Variants in APOO observed in about 807,000 individuals in gnomAD.
The protein encoded by APOO is MICOS complex subunit MIC26.
APOO carries 11 observed loss-of-function variants against 23.1 expected under a neutral mutation model. That is an observed-to-expected ratio of 0.48 (90% CI 0.30 to 0.79). The LOEUF (loss-of-function observed/expected upper bound fraction) is 0.79. Ranked by LOEUF, APOO falls within the 30% of genes least tolerant of loss-of-function variation. The pLI is 0.07. For synonymous variants in APOO, 59 were observed against 54.8 expected, an observed-to-expected ratio of 1.08 and a Z score of -0.34; for missense variants, 160 against 142.7, an observed-to-expected ratio of 1.12 and a Z score of -0.62.
chrX:23,884,662 T>C (rs1455264119), intron 1 of APOO, among the ~76,000 whole-genome samples: 2 of 111,392 alleles, frequency 1.8e-5, no homozygotes, highest in East Asian at 5.6e-4. Context: ...TGGGGAGATA[T>C]TGGTCAAAAG....
intron 1 of APOO, among the ~76,000 whole-genome samples, chrX:23,891,724 T>C (rs1470735995): frequency 9.0e-6 from 1 of 110,794 alleles, no homozygotes; most frequent in Admixed American, 9.7e-5. Flanking sequence ...TGATGGAATA[T>C]ATTATTTCTA....
intron 7 of APOO, among the ~76,000 whole-genome samples, chrX:23,846,194 C>T (rs1924223306): frequency 9.2e-6 from 1 of 108,542 alleles, no homozygotes; most frequent in South Asian, 4.0e-4. Context: ...GACTGTAATC[C>T]CAGCTACTTG....
chrX:23,887,255 G>A (rs1396581502), intron 1 of APOO, among the ~76,000 whole-genome samples: 31 of 24,427 alleles, frequency 1.3e-3, no homozygotes, highest in African/African-American at 4.0e-3. Flanking sequence ...TTTTTTTTGC[G>A]ACAGAGTCTC....
At chrX:23,881,566 A>G (rs1926132724) in intron 1 of APOO, among the ~76,000 whole-genome samples, 1 of 88,855 alleles carries the variant, frequency 1.1e-5, no homozygotes, top group African/African-American at 4.1e-5. Flanking sequence ...GCTCCACTAA[A>G]AAAAAAAAAA....
chrX:23,884,472 C>T (rs1012088308), intron 1 of APOO, among the ~76,000 whole-genome samples: 4 of 111,786 alleles, frequency 3.6e-5, no homozygotes, highest in Middle Eastern at 4.6e-3. Context: ...TGACAAGAAT[C>T]GTGTATATTT....
chrX:23,898,079 A>T (rs1334970903), intron 1 of APOO, among the ~76,000 whole-genome samples: 1 of 107,368 alleles, frequency 9.3e-6, no homozygotes, highest in African/African-American at 3.4e-5. Flanking sequence ...CTACCTAGAC[A>T]TGGGTTTCAT....
rs188656690 is a variant in APOO at position 23,901,711 on chromosome X, C to T, written c.9+5983G>A. ...AAGATGCCAACTAAAAGTAACAGCT[C>T]ACATTTCTTCAGCCCTTACTTTGGG... On this transcript the variant is annotated intron_variant, in intron 1 of 8. Transcript: ENST00000379226. Among the ~76,000 whole-genome samples, 367 of 112,376 alleles carry T rather than the reference C, an allele frequency of 3.3e-3. 3 individuals carry two copies. Among genetic ancestry groups the T allele is most frequent in the Non-Finnish European group, 4.8e-3 (254 of 53,288 alleles).
intron 5 of APOO, among the ~76,000 whole-genome samples, chrX:23,864,586 G>A (rs1925254151): frequency 1.8e-5 from 2 of 112,009 alleles, no homozygotes; most frequent in African/African-American, 6.5e-5. Context: ...ACAGGTGTGA[G>A]CCACTGTACC....
intron 7 of APOO, among the ~76,000 whole-genome samples, chrX:23,844,817 G>C (rs1045528442): frequency 2.9e-4 from 33 of 112,155 alleles, no homozygotes; most frequent in African/African-American, 1.0e-3. Flanking sequence ...ATGACATAAG[G>C]ATTCCTGACT....
intron 7 of APOO, among the ~76,000 whole-genome samples, chrX:23,849,875 G>A (rs1459145216): frequency 2.9e-5 from 3 of 104,690 alleles, no homozygotes; most frequent in Non-Finnish European, 5.8e-5. Context: ...CTGGGCGACA[G>A]AGTAACACTC....
At chrX:23,895,866 C>T (rs1301875817) in intron 1 of APOO, among the ~76,000 whole-genome samples, 1 of 105,515 alleles carries the variant, frequency 9.5e-6, no homozygotes, top group Non-Finnish European at 1.9e-5. Flanking sequence ...AAGAAAATGG[C>T]ATTTTTTTTA....
intron 1 of APOO, among the ~76,000 whole-genome samples, chrX:23,906,677 G>C (rs758489634): frequency 1.8e-5 from 2 of 112,410 alleles, no homozygotes; most frequent in Non-Finnish European, 3.8e-5. Context: ...AACAGAGTAA[G>C]AGCAAATACT....
chrX:23,898,813 C>T (rs931468590), intron 1 of APOO, among the ~76,000 whole-genome samples: 3 of 111,867 alleles, frequency 2.7e-5, no homozygotes, highest in African/African-American at 9.7e-5. Context: ...TAACCCATGT[C>T]ACATGAATCA....
chrX:23,849,267 C>T (rs964743520), intron 7 of APOO, among the ~76,000 whole-genome samples: 2 of 108,393 alleles, frequency 1.8e-5, no homozygotes, highest in Non-Finnish European at 3.8e-5. Context: ...CCCAAAGATT[C>T]AATGGGTCTA....
intron 7 of APOO, among the ~76,000 whole-genome samples, chrX:23,841,096 G>A (rs1248993865): frequency 8.9e-6 from 1 of 111,952 alleles, no homozygotes; most frequent in Non-Finnish European, 1.9e-5. Flanking sequence ...AAAAACAGGA[G>A]GCTGCAGCTG....
At chrX:23,878,281 T>C (rs747555607) in intron 3 of APOO, among the ~76,000 whole-genome samples, 4 of 112,139 alleles carry the variant, frequency 3.6e-5, no homozygotes, top group African/African-American at 9.7e-5. Context: ...TTTTCATAAC[T>C]GCAAGCAACA....
At chrX:23,839,332 C>T (rs1923863995) in intron 8 of APOO, among the ~76,000 whole-genome samples, 1 of 111,775 alleles carries the variant, frequency 8.9e-6, no homozygotes, top group Admixed American at 9.6e-5. Flanking sequence ...GGTGAGTTTC[C>T]CATCAGTGCT....
At chrX:23,851,931 G>T (rs1924556841) in intron 7 of APOO, among the ~76,000 whole-genome samples, 1 of 111,595 alleles carries the variant, frequency 9.0e-6, no homozygotes, top group Non-Finnish European at 1.9e-5. Context: ...ATGTATGTAT[G>T]TATGTATTTA....
At chrX:23,905,192 G>T (rs1341390427) in intron 1 of APOO, among the ~76,000 whole-genome samples, 1 of 109,235 alleles carries the variant, frequency 9.2e-6, no homozygotes, top group Non-Finnish European at 1.9e-5. Context: ...TTCGAGACCA[G>T]CCTGGCCAAC....
Sources: gnomAD v4.1 joint callset for allele counts (sites outside exome capture counted in the v4.1 genomes callset) on GRCh38, gnomAD v4.1.1 for gene constraint, MANE v1.5 for transcripts, NCBI Gene and HGNC (gene_info 2026-07-23, HGNC 2026-07-21) for gene names.